The following DENND1A variants were observed in gnomAD, a reference collection of about 807,000 sequenced individuals.
DENND1A encodes DENN domain-containing protein 1A.
A neutral mutation model predicts 113.7 loss-of-function variants in DENND1A; 51 were observed. The observed-to-expected ratio is 0.45, with a 90% CI of 0.36 to 0.57. The LOEUF (loss-of-function observed/expected upper bound fraction) is 0.57, where lower values mean the gene tolerates loss of function less well. Ranked by LOEUF, DENND1A falls within the 20% of genes least tolerant of loss-of-function variation. The pLI is 0.00. For synonymous variants in DENND1A, 565 were observed against 570.8 expected (o/e 0.99, Z 0.14); for missense variants, 1,258 against 1,395.9 (o/e 0.90, Z 1.57).
At chr9:123,794,932 T>C (rs1833540674) in intron 2 of DENND1A, among the ~76,000 whole-genome samples, 1 of 151,564 alleles carries the variant, frequency 6.6e-6, no homozygotes, top group Admixed American at 6.6e-5. Flanking sequence ...ACTGCCTCAA[T>C]GGAAAGCAAT....
chr9:123,725,381 C>T (rs1042239729), intron 5 of DENND1A, among the ~76,000 whole-genome samples: 2 of 152,176 alleles, frequency 1.3e-5, no homozygotes, highest in African/African-American at 2.4e-5. Context: ...CCTTCTGTCC[C>T]GCATGCAAAG....
At chr9:123,589,019 G>C (rs2059334744) in intron 11 of DENND1A, among the ~76,000 whole-genome samples, 1 of 152,120 alleles carries the variant, frequency 6.6e-6, no homozygotes, top group Non-Finnish European at 1.5e-5. Context: ...ACCCACCTCG[G>C]CCTCCCAAAG....
intron 1 of DENND1A, among the ~76,000 whole-genome samples, chr9:123,929,117 T>C (rs1167341224): frequency 6.6e-6 from 1 of 152,210 alleles, no homozygotes; most frequent in East Asian, 1.9e-4. Context: ...AGTCAACTTC[T>C]AAGTCTACAA....
intron 1 of DENND1A, among the ~76,000 whole-genome samples, chr9:123,927,067 G>A (rs1335256441): frequency 2.0e-5 from 3 of 152,192 alleles, no homozygotes; most frequent in Non-Finnish European, 4.4e-5. Context: ...TTTGAAAAAT[G>A]TGGTTAATAA....
intron 8 of DENND1A, among the ~76,000 whole-genome samples, chr9:123,656,118 G>A (rs972255395): frequency 4.6e-5 from 7 of 152,220 alleles, no homozygotes; most frequent in African/African-American, 1.7e-4. Context: ...GTGTGACAGA[G>A]AAGACATTTG....
intron 20 of DENND1A, 182 bp from the exon 21 acceptor site, chr9:123,403,672 ATT>A: frequency 1.7e-6 from 1 of 598,716 alleles, no homozygotes. Flanking sequence ...AGACAGACAC[ATT>A]AACTGGAATT....
intron 18 of DENND1A, among the ~76,000 whole-genome samples, chr9:123,446,909 C>T (rs1049344543): frequency 1.3e-5 from 2 of 152,020 alleles, no homozygotes; most frequent in African/African-American, 2.4e-5. Flanking sequence ...ATTTTGATAC[C>T]GAAGAAAAAA....
chr9:123,588,633 A>AAAG (rs1554894950), intron 11 of DENND1A, among the ~76,000 whole-genome samples: 6 of 86,462 alleles, frequency 6.9e-5, no homozygotes, highest in Non-Finnish European at 9.2e-5. Context: ...AAAAAAAAAA[A>AAAG]GGGGGGGGGG....
In DENND1A at chr9:123,671,508, T is replaced by C. The variant is rs1589605217; in HGVS notation, c.373-137A>G. The C allele has an allele frequency of 6.3e-6, 5 of 788,318 alleles. No individual in the cohort carries two copies. The East Asian group carries it at 1.0e-4, about 16-fold the overall frequency. 48.8% of individuals were successfully genotyped at this position (788,318 alleles called of 1,614,324 possible). On this transcript the variant is annotated intron_variant, in intron 6 of 23. Transcript: ENST00000394215. ...AGTACAGAAATAGGTTTGATATTCA[T>C]GTAGGGTTTGACAAAAGACACCACG...
At chr9:123,920,978 T>C (rs1287170128) in intron 1 of DENND1A, among the ~76,000 whole-genome samples, 2 of 152,196 alleles carry the variant, frequency 1.3e-5, no homozygotes, top group African/African-American at 4.8e-5. Context: ...GCAAGAGCAA[T>C]AGTGCTTTGT....
chr9:123,498,516 T>G (rs978650665), intron 13 of DENND1A, among the ~76,000 whole-genome samples: 1 of 152,244 alleles, frequency 6.6e-6, no homozygotes, highest in East Asian at 1.9e-4. Context: ...ATTCTTTTAC[T>G]CTGTACCATG....
chr9:123,393,399 C>T (rs1262203914), intron 21 of DENND1A, among the ~76,000 whole-genome samples: 1 of 152,128 alleles, frequency 6.6e-6, no homozygotes, highest in African/African-American at 2.4e-5. Flanking sequence ...ATCTGGGAAC[C>T]CCCGTCTCCT....
chr9:123,587,177 G>A (rs1320017655), intron 11 of DENND1A, among the ~76,000 whole-genome samples: 1 of 152,102 alleles, frequency 6.6e-6, no homozygotes, highest in African/African-American at 2.4e-5. Context: ...AGGGTCATTT[G>A]ATTATGCGGT....
chr9:123,441,094 T>C (rs887586262), intron 18 of DENND1A, among the ~76,000 whole-genome samples: 14 of 152,332 alleles, frequency 9.2e-5, no homozygotes, highest in African/African-American at 2.9e-4. Context: ...TCCCCAGGAA[T>C]GAAATTACTA....
intron 11 of DENND1A, 51 bp from the exon 12 acceptor site, chr9:123,583,321 A>G (rs746596040): frequency 2.9e-6 from 4 of 1,382,796 alleles, no homozygotes; most frequent in Non-Finnish European, 4.1e-6. Context: ...TGCCATCAAG[A>G]CACACTTCCC....
At chr9:123,503,823 T>C (rs887248344) in intron 13 of DENND1A, among the ~76,000 whole-genome samples, 5 of 152,164 alleles carry the variant, frequency 3.3e-5, no homozygotes, top group African/African-American at 1.2e-4. Context: ...CAGGAGGGCT[T>C]GATGGTCAAT....
intron 13 of DENND1A, among the ~76,000 whole-genome samples, chr9:123,496,829 T>C (rs1220428670): frequency 6.6e-6 from 1 of 152,204 alleles, no homozygotes; most frequent in African/African-American, 2.4e-5. Flanking sequence ...CCGGTGCCCT[T>C]GGTGGGAGCT....
At chr9:123,884,597 G>A (rs1319806351) in intron 1 of DENND1A, among the ~76,000 whole-genome samples, 1 of 151,832 alleles carries the variant, frequency 6.6e-6, no homozygotes, top group East Asian at 1.9e-4. Context: ...AGCAAACCAT[G>A]CATGCATGCC....
At chr9:123,697,176 A>G (rs1283064670) in intron 5 of DENND1A, among the ~76,000 whole-genome samples, 1 of 152,228 alleles carries the variant, frequency 6.6e-6, no homozygotes, top group Non-Finnish European at 1.5e-5. Context: ...AATTATGCAC[A>G]CATGCACATT....
Sources: gnomAD v4.1 joint callset for allele counts (sites outside exome capture counted in the v4.1 genomes callset) on GRCh38, gnomAD v4.1.1 for gene constraint, MANE v1.5 for transcripts, NCBI Gene and HGNC (gene_info 2026-07-23, HGNC 2026-07-21) for gene names.